Variants in SMDT1 observed in about 807,000 individuals in gnomAD.
SMDT1 encodes the protein essential MCU regulator, mitochondrial.
In SMDT1, 6 loss-of-function variants were observed where a neutral mutation model predicts 5.9. The observed-to-expected ratio is 1.03, with a 90% CI of 0.56 to 2.02. The LOEUF (loss-of-function observed/expected upper bound fraction) is 2.02, where lower values mean the gene tolerates loss of function less well. SMDT1 is among the 30% of genes most tolerant of loss of function. The pLI, the probability that SMDT1 is intolerant of heterozygous loss-of-function variation, is 0.00. For synonymous variants in SMDT1, 81 were observed against 62.4 expected (o/e 1.30, Z -1.40); for missense variants, 159 against 145.6 (o/e 1.09, Z -0.47).
intron 1 of SMDT1, among the ~76,000 whole-genome samples, chr22:42,080,276 G>T (rs911310570): frequency 6.6e-6 from 1 of 152,152 alleles, no homozygotes; most frequent in Non-Finnish European, 1.5e-5. Flanking sequence ...TCTCTGCCCT[G>T]CCTGTCTCCT....
chr22:42,079,774 G>C lies in SMDT1; in HGVS notation c.6G>C (p.Ala2=), dbSNP rs1487067664. The change falls in exon 1 of 3, where the codon GCG becomes GCC. Residue 2 remains alanine (A), a synonymous_variant. Coordinates refer to ENST00000331479, the MANE Select transcript of SMDT1 (RefSeq NM_033318.5). ...TGAGGGGCGGAGCTGGGGGCATGGC[G>C]TCCGGAGCGGCTCGCTGGCTAGTAT... is the stretch of plus-strand genomic sequence containing the variant. M[A]SGAARWLVLA... 1.2e-6 allele frequency: 2 copies of C among 1,606,834 alleles called. No homozygotes were observed. Among genetic ancestry groups the C allele is most frequent in the South Asian group, 2.2e-5 (2 of 90,964 alleles).
Position 42,084,129 on chromosome 22 carries a change from C to T in SMDT1, c.*1014C>T, listed in dbSNP as rs778367483. On this transcript the variant is annotated 3_prime_UTR_variant, in exon 3 of 3. Transcript: ENST00000331479. ...GGTCTCCATAAAAGGCCCAAGAAGA[C>T]AGGTTTAGAGAGCTTTCGGAGAACA... The T allele has an allele frequency of 1.3e-5, 2 of 152,232 alleles. No homozygotes were observed. Among genetic ancestry groups the T allele is most frequent in the Non-Finnish European group, 1.5e-5 (1 of 68,056 alleles). The allele number at this position is 152,232 out of a possible 1,614,324, so 9.4% of individuals were successfully genotyped here. A position where few individuals can be genotyped will look rare whatever the true frequency, so the allele number is the denominator to read the frequency against.
At chr22:42,081,873 T>G in intron 1 of SMDT1, 52 bp from the exon 2 acceptor site, 2 of 1,608,108 alleles carry the variant, frequency 1.2e-6, no homozygotes. Context: ...TCTTCTTTGG[T>G]CCTGCCAGAG....
At chr22:42,081,364 A>C (rs866505514) in intron 1 of SMDT1, among the ~76,000 whole-genome samples, 1 of 152,070 alleles carries the variant, frequency 6.6e-6, no homozygotes, top group Middle Eastern at 3.4e-3. Flanking sequence ...ACGGGGTTTC[A>C]CTATGTTAGC....
At chr22:42,083,088 C>A (rs1927906631) in intron 2 of SMDT1, 31 bp from the exon 3 acceptor site, 1 of 152,518 alleles carries the variant, frequency 6.6e-6, no homozygotes, top group South Asian at 2.1e-4. Flanking sequence ...TACGCTGTTG[C>A]CCAGTTCACT....
intron 2 of SMDT1, among the ~76,000 whole-genome samples, chr22:42,082,481 G>A (rs955873166): frequency 1.4e-4 from 21 of 152,180 alleles, no homozygotes; most frequent in African/African-American, 3.9e-4. Context: ...GATTACAGGC[G>A]TGAGCCACTG....
intron 1 of SMDT1, among the ~76,000 whole-genome samples, chr22:42,081,458 C>T (rs1927778614): frequency 1.3e-5 from 2 of 151,106 alleles, no homozygotes; most frequent in South Asian, 4.2e-4. Context: ...AGCCACTGCG[C>T]CCGGCCTTTT....
Position 42,083,803 on chromosome 22 carries a change from ATCT to A in SMDT1, c.*692_*694del, listed in dbSNP as rs1927965390. ...CAGAAAACAGCAGGCTGTTTCTCAGATCTTCTCCTGACCTCCTTTCACCTGCTG... is the reference window on the plus strand; with the variant it reads ...CAGAAAACAGCAGGCTGTTTCTCAGATCTCCTGACCTCCTTTCACCTGCTG... On this transcript the variant is annotated 3_prime_UTR_variant, in exon 3 of 3. Coordinates refer to ENST00000331479, the MANE Select transcript of SMDT1 (RefSeq NM_033318.5). 2.6e-5 allele frequency: 4 copies of A among 152,154 alleles called. 1 individual carries two copies. The South Asian group carries it at 8.3e-4, about 32-fold the overall frequency. 9.4% of individuals were successfully genotyped at this position (152,154 alleles called of 1,614,324 possible).
intron 2 of SMDT1, among the ~76,000 whole-genome samples, chr22:42,082,759 C>T (rs1181374743): frequency 6.6e-6 from 1 of 152,162 alleles, no homozygotes. Context: ...GTCTTAATTC[C>T]ACCCATTCTA....
rs1375608273 is a variant in SMDT1 at position 42,079,858 on chromosome 22, T to C, written c.90T>C (p.Asp30=). 1 of 1,614,156 alleles carries C rather than the reference T, an allele frequency of 6.2e-7. No homozygotes were observed. Among genetic ancestry groups the C allele is most frequent in the South Asian group, 1.1e-5 (1 of 91,090 alleles). Residue 30 remains aspartate, a synonymous_variant, in exon 1 of 3, where the codon GAT becomes GAC. Transcript: ENST00000331479. The part of the protein sequence containing the change: ...RSGPSLRKDG[D]VSAAWSGSGR... ...GGCCTAGCTTGAGGAAAGATGGCGATGTCTCCGCCGCATGGAGCGGCTCAG... is the reference window on the plus strand; with the variant it reads ...GGCCTAGCTTGAGGAAAGATGGCGACGTCTCCGCCGCATGGAGCGGCTCAG...
In SMDT1 at chr22:42,079,795, A is replaced by G; in HGVS notation, c.27A>G (p.Leu9=). The G allele has an allele frequency of 1.2e-6, 2 of 1,609,692 alleles. No individual in the cohort carries two copies. Among genetic ancestry groups the G allele is most frequent in the Non-Finnish European group, 1.7e-6 (2 of 1,179,434 alleles). Residue 9 remains leucine (L), a synonymous_variant, in exon 1 of 3, where the codon CTA becomes CTG. Transcript: ENST00000331479. MASGAARW[L]VLAPVRSGAL... is the part of the protein sequence containing the mutation. Reference sequence around the variant, plus strand: ...TGGCGTCCGGAGCGGCTCGCTGGCTAGTATTGGCACCCGTCAGGTCCGGGG... The same window carrying G: ...TGGCGTCCGGAGCGGCTCGCTGGCTGGTATTGGCACCCGTCAGGTCCGGGG...
chr22:42,080,498 G>A (rs1231557851), intron 1 of SMDT1, among the ~76,000 whole-genome samples: 3 of 152,144 alleles, frequency 2.0e-5, no homozygotes, highest in African/African-American at 7.2e-5. Context: ...CGCTGAGGAC[G>A]CAGCATCCGG....
rs1569461633 is a variant in SMDT1, at chr22:42,079,916, G to A, written c.148G>A (p.Val50Ile). 1 of 1,613,478 alleles carries A rather than the reference G, an allele frequency of 6.2e-7. No homozygotes were observed. The highest frequency in any genetic ancestry group is 1.7e-5 in the Admixed American group (1 of 59,794). Residue 50 changes from valine (V) to isoleucine (I), a missense_variant, in exon 1 of 3, where the codon GTT becomes ATT. Physicochemically the swap from Val to Ile is conservative, Grantham distance 29 (BLOSUM62 3). Coordinates refer to ENST00000331479, the MANE Select transcript of SMDT1 (RefSeq NM_033318.5). ...CCTGGTACCGTCGAGGTCAGTCATC[G>A]TTACCCGCAGCGGCGCCATTTTGCC... ...RSLVPSRSVIVTRSGAILPKP... is the reference protein window; with the variant it reads ...RSLVPSRSVIITRSGAILPKP...
In SMDT1 at chr22:42,079,957, G is replaced by A. The variant is rs1431879623; in HGVS notation, c.186+3G>A. 15 of 1,610,064 alleles carry A rather than the reference G, an allele frequency of 9.3e-6. No individual in the cohort carries two copies. In the Admixed American group the frequency reaches 2.3e-4, roughly 25 times the overall value. On this transcript the variant is annotated splice_donor_region_variant and intron_variant, in intron 1 of 2. Coordinates refer to ENST00000331479, the MANE Select transcript of SMDT1 (RefSeq NM_033318.5). ...CCATTTTGCCCAAACCGGTGAAAGT[G>A]AGTGTCCTCCTGGAGACGGGGCGAA...
At chr22:42,082,130 T>C (rs1465253855) in intron 2 of SMDT1, 65 bp downstream of exon 2, 3 of 1,585,884 alleles carry the variant, frequency 1.9e-6, no homozygotes, top group Non-Finnish European at 2.6e-6. Context: ...TGATGCAGTC[T>C]GGCCTGGTAG....
At position 42,084,109 on chromosome 22, in the gene SMDT1, C is replaced by T. The variant is rs1927996405; in HGVS notation, c.*994C>T. 6.6e-6 allele frequency: 1 copy of T among 152,204 alleles called. No homozygotes were observed. Among genetic ancestry groups the T allele is most frequent in the African/African-American group, 2.4e-5 (1 of 41,434 alleles). The allele number at this position is 152,204 out of a possible 1,614,324, so 9.4% of individuals were successfully genotyped here. On this transcript the variant is annotated 3_prime_UTR_variant, in exon 3 of 3. Coordinates refer to ENST00000331479, the MANE Select transcript of SMDT1 (RefSeq NM_033318.5). ...CAATCATCCCTATCCAATGAGGTCT[C>T]CATAAAAGGCCCAAGAAGACAGGTT... is the stretch of plus-strand genomic sequence containing the variant.
intron 1 of SMDT1, among the ~76,000 whole-genome samples, chr22:42,080,594 G>A (rs1260765429): frequency 6.6e-6 from 1 of 152,102 alleles, no homozygotes; most frequent in African/African-American, 2.4e-5. Flanking sequence ...TAGGGAAAAC[G>A]GAAACAGTCC....
At chr22:42,082,942 G>A (rs944056360) in intron 2 of SMDT1, among the ~76,000 whole-genome samples, 177 bp from the exon 3 acceptor site, 6 of 152,128 alleles carry the variant, frequency 3.9e-5, no homozygotes, top group Non-Finnish European at 7.4e-5. Context: ...TATACATTGC[G>A]GCCCCCAGTG....
At chr22:42,082,339 T>G (rs918100844) in intron 2 of SMDT1, 1 of 376,958 alleles carries the variant, frequency 2.7e-6, no homozygotes, top group African/African-American at 2.1e-5. Context: ...GTAGCTGGGA[T>G]TACAGACATG....
Sources: gnomAD v4.1 joint callset for allele counts (sites outside exome capture counted in the v4.1 genomes callset) on GRCh38, gnomAD v4.1.1 for gene constraint, MANE v1.5 for transcripts, NCBI Gene and HGNC (gene_info 2026-07-23, HGNC 2026-07-21) for gene names.